The following FBXO11 variants were observed in gnomAD, a reference collection of about 807,000 sequenced individuals.
FBXO11 encodes F-box protein 11.
Under a neutral mutation model 117.0 loss-of-function variants are expected in FBXO11, and 13 were observed. The ratio of observed to expected loss-of-function variants is 0.11; its 90% CI spans 0.07 to 0.18. The LOEUF is 0.18. Ranked by LOEUF, FBXO11 falls within the 10% of genes least tolerant of loss-of-function variation. FBXO11 has a pLI of 1.00. For missense variants in FBXO11, 767 were observed against 1,164.4 expected (o/e 0.66, Z 4.97); for synonymous variants, 490 against 380.5 (o/e 1.29, Z -3.35).
chr2:47,836,714 T>C (rs893635643), intron 4 of FBXO11, among the ~76,000 whole-genome samples: 1 of 152,228 alleles, frequency 6.6e-6, no homozygotes, highest in Non-Finnish European at 1.5e-5. Context: ...ACAAACTGTT[T>C]ACTCAGGAAG....
At chr2:47,840,538 C>T (rs192177081) in intron 1 of FBXO11, among the ~76,000 whole-genome samples, 207 of 149,694 alleles carry the variant, frequency 1.4e-3, no homozygotes, top group African/African-American at 4.9e-3. Context: ...GCAGCCTCAA[C>T]CTCTTGGCCT....
chr2:47,839,936 A>G (rs1457912413), intron 1 of FBXO11, among the ~76,000 whole-genome samples, 167 bp from the exon 2 acceptor site: 2 of 152,262 alleles, frequency 1.3e-5, no homozygotes, highest in Middle Eastern at 3.4e-3. Flanking sequence ...GATTTCTATA[A>G]AATGTGGAAG....
intron 1 of FBXO11, among the ~76,000 whole-genome samples, chr2:47,889,321 A>C (rs1319970876): frequency 6.6e-6 from 1 of 152,310 alleles, no homozygotes. Flanking sequence ...TATTCCCTAG[A>C]ATCTATACTT....
At chr2:47,813,125 C>CT in intron 18 of FBXO11, 109 bp downstream of exon 18, 8 of 1,124,606 alleles carry the variant, frequency 7.1e-6, no homozygotes, top group African/African-American at 1.5e-5. Flanking sequence ...AGGAAAAAGA[C>CT]TTGAGATTCA....
intron 1 of FBXO11, among the ~76,000 whole-genome samples, chr2:47,895,846 C>T (rs1432611288): frequency 6.6e-6 from 1 of 152,098 alleles, no homozygotes; most frequent in African/African-American, 2.4e-5. Flanking sequence ...GCATCTGCCA[C>T]CATACCCAGC....
At position 47,906,336 on chromosome 2, in the gene FBXO11, G is replaced by A. The variant is rs900516051; in HGVS notation, c.-616C>T. ...CCCCCCTTCTCTCCTCGGCGAAGGG[G>A]AAATGAGTGTGAAGGGAGGAGATAG... On this transcript the variant is annotated 5_prime_UTR_variant, in exon 1 of 23. Coordinates refer to ENST00000403359, the MANE Select transcript of FBXO11 (RefSeq NM_001190274.2). Among the ~76,000 whole-genome samples, 1 of 152,140 alleles carries A rather than the reference G, an allele frequency of 6.6e-6. No individual in the cohort carries two copies. Among genetic ancestry groups the A allele is most frequent in the Non-Finnish European group, 1.5e-5 (1 of 68,010 alleles).
intron 1 of FBXO11, among the ~76,000 whole-genome samples, chr2:47,890,570 G>A (rs1166353462): frequency 2.6e-5 from 4 of 152,016 alleles, no homozygotes; most frequent in African/African-American, 9.7e-5. Flanking sequence ...TCAGGAGGCC[G>A]AGGTGGGTGG....
chr2:47,846,375 G>A (rs1043517282), intron 1 of FBXO11, among the ~76,000 whole-genome samples: 1 of 152,246 alleles, frequency 6.6e-6, no homozygotes, highest in Non-Finnish European at 1.5e-5. Flanking sequence ...GATGAGGCAG[G>A]AGAATTGCTT....
chr2:47,905,613 G>T lies in FBXO11; in HGVS notation c.108C>A (p.Pro36=). ...QPPQQPPPQP[P]QQQPPQQQPP... is the part of the protein sequence containing the mutation. ...GCTGCTGCTGGGGCGGCTGCTGCTG[G>T]GGCGGCTGCGGCGGCGGCTGCTGCG... Residue 36 remains proline, a synonymous_variant, in exon 1 of 23, where the codon CCC becomes CCA. Transcript: ENST00000403359. The T allele has an allele frequency of 4.4e-6, 6 of 1,360,118 alleles. No homozygotes were observed. Among genetic ancestry groups the T allele is most frequent in the Non-Finnish European group, 5.7e-6 (6 of 1,053,064 alleles). The allele number at this position is 1,360,118 out of a possible 1,614,324, so 84.3% of individuals were successfully genotyped here.
chr2:47,857,770 GA>G (rs1674426283), intron 1 of FBXO11, among the ~76,000 whole-genome samples: 1 of 152,152 alleles, frequency 6.6e-6, no homozygotes, highest in Non-Finnish European at 1.5e-5. Flanking sequence ...GTCATTGAAT[GA>G]ATATACAAAA....
intron 1 of FBXO11, among the ~76,000 whole-genome samples, chr2:47,884,883 G>C (rs749400704): frequency 6.6e-6 from 1 of 152,004 alleles, no homozygotes; most frequent in African/African-American, 2.4e-5. Flanking sequence ...TGTAAAACAG[G>C]TTCTTGTTAT....
In FBXO11 at chr2:47,866,741, G is replaced by C. The variant is rs192201798; in HGVS notation, c.233-26972C>G. 5.5e-4 allele frequency among the ~76,000 whole-genome samples: 84 copies of C among 152,178 alleles called. 1 individual carries two copies. Among genetic ancestry groups the C allele is most frequent in the Non-Finnish European group, 4.4e-5 (3 of 67,988 alleles). The stretch of plus-strand genomic sequence containing the variant: ...CCCACCTCGGCCTCCCAAAGTGCTG[G>C]GATTACAGGCGTGAGCCACTGCGCC... On this transcript the variant is annotated intron_variant, in intron 1 of 22. Transcript: ENST00000403359.
intron 1 of FBXO11, among the ~76,000 whole-genome samples, chr2:47,845,888 G>GAAA (rs376028845): frequency 2.8e-4 from 40 of 142,770 alleles, no homozygotes; most frequent in South Asian, 6.7e-4. Flanking sequence ...TACTTTACAG[G>GAAA]AAAAAAAAAA....
intron 1 of FBXO11, among the ~76,000 whole-genome samples, chr2:47,868,004 AAAGT>A (rs1210554402): frequency 6.6e-6 from 1 of 152,198 alleles, no homozygotes; most frequent in African/African-American, 2.4e-5. Flanking sequence ...ACAGGTAAAG[AAAGT>A]GAGTGAAGTA....
intron 1 of FBXO11, among the ~76,000 whole-genome samples, chr2:47,860,208 T>G (rs1396228583): frequency 7.2e-5 from 11 of 152,168 alleles, no homozygotes; most frequent in Admixed American, 7.2e-4. Flanking sequence ...GCTGGGCACT[T>G]TATTCCAAAT....
At chr2:47,824,884 C>A (rs570478844) in intron 11 of FBXO11, among the ~76,000 whole-genome samples, 1 of 152,114 alleles carries the variant, frequency 6.6e-6, no homozygotes, top group Admixed American at 6.6e-5. Context: ...TAAGAAAAAA[C>A]GGAATGTGCT....
intron 1 of FBXO11, among the ~76,000 whole-genome samples, chr2:47,848,176 A>T (rs1424932779): frequency 6.6e-6 from 1 of 151,974 alleles, no homozygotes; most frequent in Non-Finnish European, 1.5e-5. Context: ...ACACATATAT[A>T]TCTTTCACTA....
At chr2:47,810,075 A>T (rs1431477104) in intron 19 of FBXO11, 2 of 502,528 alleles carry the variant, frequency 4.0e-6, no homozygotes, top group Non-Finnish European at 7.0e-6. Context: ...CATTTATTCT[A>T]TCCCAATAAA....
chr2:47,905,189 TCTGTGAGCGAGCGGAGAAGCCAAA>T, intron 1 of FBXO11: 2 of 205,294 alleles, frequency 9.7e-6, no homozygotes, highest in Non-Finnish European at 1.9e-5. Flanking sequence ...TCCCGCGGGG[TCTGTGAGCGAGCGGAGAAGCCAAA>T]GGGATGGGTG....
Sources: allele counts gnomAD v4.1 joint callset (sites outside exome capture counted in the v4.1 genomes callset), GRCh38; gene constraint gnomAD v4.1.1; transcripts MANE v1.5; gene names NCBI Gene and HGNC (gene_info 2026-07-23, HGNC 2026-07-21).